COL13A1: variants seen among roughly 807,000 people sequenced by gnomAD.
COL13A1 encodes the protein collagen alpha-1(XIII) chain.
COL13A1 carries 89 observed loss-of-function variants against 130.9 expected under a neutral mutation model. The ratio of observed to expected loss-of-function variants is 0.68; its 90% CI spans 0.57 to 0.81. The LOEUF is 0.81. Among genes scored for constraint, COL13A1 ranks in the 30% least tolerant of loss-of-function variants. The pLI is 0.00. For synonymous variants in COL13A1, 402 were observed against 341.6 expected (o/e 1.18, Z -1.95); for missense variants, 879 against 934.6 (o/e 0.94, Z 0.78).
chr10:69,863,843 G>C (rs117391413), intron 2 of COL13A1, among the ~76,000 whole-genome samples: 2 of 152,186 alleles, frequency 1.3e-5, no homozygotes, highest in African/African-American at 4.8e-5. Flanking sequence ...TTGGGAGCCC[G>C]AGGCAGGCAG....
intron 2 of COL13A1, among the ~76,000 whole-genome samples, chr10:69,830,103 A>G (rs1299074773): frequency 6.6e-6 from 1 of 152,218 alleles, no homozygotes; most frequent in Admixed American, 6.5e-5. Flanking sequence ...CTCTGAGCAG[A>G]TTACTCTCCT....
intron 32 of COL13A1, among the ~76,000 whole-genome samples, chr10:69,935,968 A>C (rs1196089463): frequency 2.0e-5 from 3 of 150,158 alleles, no homozygotes; most frequent in Non-Finnish European, 4.4e-5. Flanking sequence ...CCAAGATGGC[A>C]CCACTGCACT....
chr10:69,883,281 C>A (rs1301729016), intron 7 of COL13A1, among the ~76,000 whole-genome samples: 1 of 152,164 alleles, frequency 6.6e-6, no homozygotes, highest in Non-Finnish European at 1.5e-5. Flanking sequence ...AGGCCCTGGG[C>A]AGAGGATCTG....
chr10:69,847,158 C>T (rs1199808794), intron 2 of COL13A1, among the ~76,000 whole-genome samples: 2 of 152,156 alleles, frequency 1.3e-5, no homozygotes, highest in Admixed American at 6.5e-5. Context: ...AGGGCCTGAC[C>T]CCAGCTCCTT....
chr10:69,870,259 G>T (rs75880480), intron 3 of COL13A1, among the ~76,000 whole-genome samples: 34,174 of 151,522 alleles, frequency 0.23, 3,936 homozygotes, highest in Middle Eastern at 0.29. Context: ...GCCCAAAGGT[G>T]TTTTGCAAAC....
At chr10:69,834,347 A>G (rs1381044838) in intron 2 of COL13A1, among the ~76,000 whole-genome samples, 1 of 152,154 alleles carries the variant, frequency 6.6e-6, no homozygotes, top group Non-Finnish European at 1.5e-5. Flanking sequence ...AAGAGAAGAC[A>G]CAGAGAAGCA....
intron 3 of COL13A1, 82 bp from the exon 4 acceptor site, chr10:69,872,102 C>T: frequency 1.3e-6 from 2 of 1,547,714 alleles, no homozygotes; most frequent in Non-Finnish European, 1.8e-6. Context: ...ATGCCAAGGT[C>T]ACACAGCTGG....
At chr10:69,812,975 C>G (rs1843435995) in intron 1 of COL13A1, among the ~76,000 whole-genome samples, 1 of 152,228 alleles carries the variant, frequency 6.6e-6, no homozygotes, top group African/African-American at 2.4e-5. Flanking sequence ...GGCCACAGCT[C>G]TGATGACAAT....
intron 10 of COL13A1, among the ~76,000 whole-genome samples, chr10:69,892,654 C>G (rs7071338): frequency 0.48 from 73,427 of 151,988 alleles, 19,731 homozygotes; most frequent in East Asian, 0.75. Flanking sequence ...CACAGGCCTG[C>G]TGGCAAGTGC....
At chr10:69,936,712 C>A in intron 32 of COL13A1, 44 bp from the exon 33 acceptor site, 5 of 1,612,536 alleles carry the variant, frequency 3.1e-6, no homozygotes, top group Non-Finnish European at 4.2e-6. Flanking sequence ...GTTGTGTTAA[C>A]TAGAGATGCA....
intron 2 of COL13A1, among the ~76,000 whole-genome samples, chr10:69,830,775 G>T (rs1218902040): frequency 6.6e-6 from 1 of 152,160 alleles, no homozygotes; most frequent in Non-Finnish European, 1.5e-5. Context: ...TCGATTTAAA[G>T]TGTACAATTT....
chr10:69,835,763 G>A (rs970512313), intron 2 of COL13A1, among the ~76,000 whole-genome samples: 5 of 152,206 alleles, frequency 3.3e-5, no homozygotes, highest in Admixed American at 1.3e-4. Flanking sequence ...CCGAGGACTC[G>A]GCAGTGGCCG....
intron 36 of COL13A1, 84 bp from the exon 37 acceptor site, chr10:69,945,587 T>A: frequency 3.9e-6 from 6 of 1,548,156 alleles, no homozygotes; most frequent in Non-Finnish European, 5.3e-6. Flanking sequence ...AGAGGTTTCC[T>A]GTATTTCATA....
At chr10:69,861,515 G>A (rs1219859640) in intron 2 of COL13A1, among the ~76,000 whole-genome samples, 1 of 152,176 alleles carries the variant, frequency 6.6e-6, no homozygotes, top group Non-Finnish European at 1.5e-5. Flanking sequence ...CCTGGTATGA[G>A]ATGTGTCTGG....
intron 17 of COL13A1, among the ~76,000 whole-genome samples, chr10:69,907,775 A>G (rs1402179764): frequency 2.0e-5 from 3 of 152,218 alleles, no homozygotes; most frequent in Non-Finnish European, 2.9e-5. Flanking sequence ...CACTCCCACA[A>G]TAACTAACCC....
intron 1 of COL13A1, among the ~76,000 whole-genome samples, chr10:69,812,263 T>C (rs1843256195): frequency 1.3e-5 from 2 of 152,174 alleles, no homozygotes; most frequent in South Asian, 2.1e-4. Context: ...TGGCACGCTG[T>C]CAAGGCTAGG....
Position 69,853,815 on chromosome 10 carries a change from T to A in COL13A1, c.365-13983T>A, listed in dbSNP as rs149822160. Among the ~76,000 whole-genome samples, 33 of 152,290 alleles carry A rather than the reference T, an allele frequency of 2.2e-4. No homozygotes were observed. The East Asian group carries it at 5.4e-3, about 25-fold the overall frequency. On this transcript the variant is annotated intron_variant, in intron 2 of 40. Transcript: ENST00000645393. ...GAAGGAAGCAGTGGACCATATTCCG[T>A]GCACACCGATTTCTGCTCTGTGAAC...
At chr10:69,840,204 G>A (rs1851224393) in intron 2 of COL13A1, among the ~76,000 whole-genome samples, 1 of 152,212 alleles carries the variant, frequency 6.6e-6, no homozygotes, top group Admixed American at 6.5e-5. Context: ...GGGCTGTGAA[G>A]CTGCTGGAGC....
chr10:69,936,902 T>G (rs2067000942), intron 33 of COL13A1, 120 bp downstream of exon 33: 4 of 1,151,016 alleles, frequency 3.5e-6, no homozygotes, highest in Non-Finnish European at 5.1e-6. Context: ...GCCAAGGGGG[T>G]CCAGTCAGGG....
Sources: gnomAD v4.1 joint callset for allele counts (sites outside exome capture counted in the v4.1 genomes callset) on GRCh38, gnomAD v4.1.1 for gene constraint, MANE v1.5 for transcripts, NCBI Gene and HGNC (gene_info 2026-07-23, HGNC 2026-07-21) for gene names.